GALNT6: variants seen among roughly 807,000 people sequenced by gnomAD.
GALNT6 encodes the protein polypeptide N-acetylgalactosaminyltransferase 6, also known as GalNAc transferase 6.
A neutral mutation model predicts 65.9 loss-of-function variants in GALNT6; 51 were observed. The observed-to-expected ratio is 0.77, with a 90% CI of 0.62 to 0.98. The LOEUF is 0.98. Among genes scored for constraint, GALNT6 ranks in the 50% least tolerant of loss-of-function variants. The pLI is 0.00. For synonymous variants in GALNT6, 323 were observed against 315.1 expected, an observed-to-expected ratio of 1.02 and a Z score of -0.26; for missense variants, 708 against 803.3, an observed-to-expected ratio of 0.88 and a Z score of 1.43.
At chr12:51,357,035 T>G (rs1946767452) in intron 10 of GALNT6, among the ~76,000 whole-genome samples, 1 of 152,098 alleles carries the variant, frequency 6.6e-6, no homozygotes, top group Non-Finnish European at 1.5e-5. Context: ...AGAAGTTGAG[T>G]GCAGGTGATG....
chr12:51,366,815 A>T (rs1947120930), intron 4 of GALNT6, among the ~76,000 whole-genome samples: 1 of 152,168 alleles, frequency 6.6e-6, no homozygotes. Context: ...TTAGTCTGAA[A>T]TCCTCAGAGC....
chr12:51,365,486 C>A lies in GALNT6; in HGVS notation c.758G>T (p.Arg253Leu). 6.2e-7 allele frequency: 1 copy of A among 1,612,308 alleles called. No individual in the cohort carries two copies. The highest frequency in any genetic ancestry group is 8.5e-7 in the Non-Finnish European group (1 of 1,179,970). Residue 253 changes from arginine to leucine, a missense_variant, in exon 5 of 12, where the codon CGG (arginine) becomes CTG (leucine). Transcript: ENST00000356317. ...CTGTGCCACGCTGGCCCCCAGCAGC[C>A]GGGCGGTGATCAGCCCCTTCCGCTC... Reference protein sequence around the residue: ...QEERKGLITARLLGASVAQAE... With the variant: ...QEERKGLITALLLGASVAQAE...
chr12:51,361,117 C>T (rs567326987), intron 6 of GALNT6, among the ~76,000 whole-genome samples: 2 of 152,346 alleles, frequency 1.3e-5, no homozygotes, highest in South Asian at 2.1e-4. Flanking sequence ...CACCAGGGCC[C>T]GTGCTACATG....
At position 51,387,351 on chromosome 12, in the gene GALNT6, C is replaced by T. The variant is rs772674281; in HGVS notation, c.-104+3499G>A. On this transcript the variant is annotated intron_variant, in intron 2 of 11. Coordinates refer to ENST00000356317, the MANE Select transcript of GALNT6 (RefSeq NM_007210.4). This position sits in a 1 kb window ranked among gnomAD's most constrained non-coding sequence, Gnocchi z 4.2. ...CTGACCTCAAGTGATCTGTCTGCCT[C>T]GGCCTCCCAAAGTACTAGGATTACA... 1.3e-5 allele frequency among the ~76,000 whole-genome samples: 2 copies of T among 152,132 alleles called. No individual in the cohort carries two copies. The highest frequency in any genetic ancestry group is 2.1e-4 in the South Asian group (1 of 4,828).
rs913361135 is a variant in GALNT6 at position 51,365,328 on chromosome 12, GAA to G, written c.814+100_814+101del. On this transcript the variant is annotated intron_variant, in intron 5 of 11. Coordinates refer to ENST00000356317, the MANE Select transcript of GALNT6 (RefSeq NM_007210.4). The stretch of plus-strand genomic sequence containing the variant: ...GGGTCCCAAGCCTCCTTCACTCCCG[GAA>G]GAGAGAACAGGAAGGGGCCTTGGGG... 5.6e-5 allele frequency: 64 copies of G among 1,144,808 alleles called. No individual in the cohort carries two copies. The African/African-American group carries it at 9.6e-4, about 17-fold the overall frequency. 70.9% of individuals were successfully genotyped at this position (1,144,808 alleles called of 1,614,324 possible). A position where few individuals can be genotyped will look rare whatever the true frequency, so the allele number is the denominator to read the frequency against.
chr12:51,356,356 T>C (rs898854011), intron 10 of GALNT6, among the ~76,000 whole-genome samples: 79 of 128,176 alleles, frequency 6.2e-4, no homozygotes, highest in Middle Eastern at 4.1e-3. Flanking sequence ...ATTTTCTCTT[T>C]TTTTTTTTTT....
intron 3 of GALNT6, among the ~76,000 whole-genome samples, chr12:51,378,889 C>T (rs563798429): frequency 1.4e-5 from 2 of 146,108 alleles, no homozygotes; most frequent in African/African-American, 5.0e-5. Flanking sequence ...CCCACCCCCC[C>T]CCCAAACAGC....
upstream of GALNT6, chr12:51,391,594 C>G (rs1451665025): frequency 6.6e-6 from 1 of 150,778 alleles, no homozygotes; most frequent in East Asian, 2.0e-4. Flanking sequence ...CTCCTTCTGC[C>G]GCTTACCTGT....
chr12:51,367,272 C>A (rs944959761), intron 4 of GALNT6, among the ~76,000 whole-genome samples: 4 of 151,678 alleles, frequency 2.6e-5, no homozygotes, highest in Admixed American at 6.6e-5. Flanking sequence ...AAACCAAAAA[C>A]AAACAAACAA....
intron 4 of GALNT6, 121 bp downstream of exon 4, chr12:51,377,073 GA>G: frequency 1.3e-6 from 1 of 776,816 alleles, no homozygotes; most frequent in Non-Finnish European, 2.1e-6. Context: ...CCTTTAAGAT[GA>G]GCTGTGATGT....
At chr12:51,389,177 T>C (rs1947933802) in intron 2 of GALNT6, among the ~76,000 whole-genome samples, 1 of 152,224 alleles carries the variant, frequency 6.6e-6, no homozygotes, top group Non-Finnish European at 1.5e-5. Context: ...GGCAGAGGAC[T>C]GTGTAAAGAG....
At position 51,380,713 on chromosome 12, in the gene GALNT6, C is replaced by T. The variant is rs150806933; in HGVS notation, c.-103-829G>A. Among the ~76,000 whole-genome samples the T allele has an allele frequency of 9.7e-3, 1,472 of 152,198 alleles. 17 individuals are homozygous for T. The highest frequency in any genetic ancestry group is 0.019 in the South Asian group (92 of 4,826). On this transcript the variant is annotated intron_variant, in intron 2 of 11. Coordinates refer to ENST00000356317, the MANE Select transcript of GALNT6 (RefSeq NM_007210.4). The stretch of plus-strand genomic sequence containing the variant: ...GGCTGAGGCAGGAGAGTCACTTGAA[C>T]CCGGGAGGCAGAGGTTGCAGTAGGC...
At chr12:51,388,860 G>C (rs527640362) in intron 2 of GALNT6, among the ~76,000 whole-genome samples, 76 of 152,324 alleles carry the variant, frequency 5.0e-4, no homozygotes, top group Non-Finnish European at 8.5e-4. Flanking sequence ...ATTACGTGCA[G>C]AGTTGAGGAC....
At position 51,355,947 on chromosome 12, in the gene GALNT6, G is replaced by A. The variant is rs1168458970; in HGVS notation, c.1614C>T (p.Tyr538=). 3.7e-6 allele frequency: 6 copies of A among 1,612,698 alleles called. No homozygotes were observed. Among genetic ancestry groups the A allele is most frequent in the Non-Finnish European group, 5.1e-6 (6 of 1,179,122 alleles). ...TGTGGCGAAGGTCCCTCTGAGTTGT[G>A]TACTCAAAGTACTGGAAATCAAGAC... The part of the protein sequence containing the change: ...HGLGGNQYFE[Y]TTQRDLRHNI... Residue 538 remains tyrosine, a synonymous_variant, in exon 11 of 12, where the codon TAC becomes TAT. Transcript: ENST00000356317.
At chr12:51,371,560 T>C (rs1947295550) in intron 4 of GALNT6, among the ~76,000 whole-genome samples, 1 of 152,192 alleles carries the variant, frequency 6.6e-6, no homozygotes, top group African/African-American at 2.4e-5. Context: ...AGCTCCCTAA[T>C]TACTCACTCA....
chr12:51,354,565 G>A, intron 11 of GALNT6, 73 bp from the exon 12 acceptor site: 2 of 890,334 alleles, frequency 2.2e-6, no homozygotes, highest in Non-Finnish European at 3.5e-6. Flanking sequence ...ACAATGCGAT[G>A]GGGTGCAATT....
Position 51,365,593 on chromosome 12 carries a change from T to C in GALNT6, c.665-14A>G. The C allele has an allele frequency of 2.5e-6, 4 of 1,612,200 alleles. No homozygotes were observed. The East Asian group carries it at 6.7e-5, about 27-fold the overall frequency. On this transcript the variant is annotated splice_polypyrimidine_tract_variant and intron_variant, in intron 4 of 11. Coordinates refer to ENST00000356317, the MANE Select transcript of GALNT6 (RefSeq NM_007210.4). ...CCTTTAGGTGCTCTGGAAGGGACAG[T>C]GTCATTGTGGCCAGTCCACCACTTT...
intron 2 of GALNT6, among the ~76,000 whole-genome samples, chr12:51,380,684 G>A (rs139954432): frequency 1.3e-5 from 2 of 152,302 alleles, no homozygotes; most frequent in African/African-American, 4.8e-5. Flanking sequence ...CCAGCTACTT[G>A]GGAGGCTGAG....
intron 3 of GALNT6, among the ~76,000 whole-genome samples, chr12:51,378,202 TG>T (rs1188499308): frequency 6.6e-6 from 1 of 152,168 alleles, no homozygotes; most frequent in Admixed American, 6.5e-5. Flanking sequence ...TCACTCAGGC[TG>T]GAGTGCAGTG....
Sources: gnomAD v4.1 joint callset for allele counts (sites outside exome capture counted in the v4.1 genomes callset) on GRCh38, gnomAD v4.1.1 for gene constraint, Gnocchi (gnomAD v3.1) non-coding constraint, MANE v1.5 for transcripts, NCBI Gene and HGNC (gene_info 2026-07-23, HGNC 2026-07-21) for gene names.